Variants in NFU1 observed in about 807,000 individuals in gnomAD.
The protein encoded by NFU1 is NFU1 iron-sulfur cluster scaffold.
NFU1 carries 30 observed loss-of-function variants against 32.2 expected under a neutral mutation model. That is an observed-to-expected ratio of 0.93 (90% CI 0.70 to 1.26). NFU1 has a LOEUF of 1.26. NFU1 is among the 50% of genes most tolerant of loss of function. The pLI is 0.00. For synonymous variants in NFU1, 112 were observed against 104.6 expected, an observed-to-expected ratio of 1.07 and a Z score of -0.43; for missense variants, 306 against 306.6, an observed-to-expected ratio of 1.00 and a Z score of 0.02.
chr2:69,412,301 A>G (rs906738490), intron 5 of NFU1, among the ~76,000 whole-genome samples: 3 of 151,682 alleles, frequency 2.0e-5, no homozygotes, highest in African/African-American at 7.3e-5. Context: ...TGCCCACCTC[A>G]GCCTCCCAAA....
chr2:69,426,726 G>A (rs1673466804), intron 2 of NFU1, among the ~76,000 whole-genome samples: 1 of 152,058 alleles, frequency 6.6e-6, no homozygotes, highest in African/African-American at 2.4e-5. Context: ...GGACGGCACT[G>A]GCATTTTAAT....
At chr2:69,424,799 TA>T (rs1319952078) in intron 2 of NFU1, among the ~76,000 whole-genome samples, 1 of 151,992 alleles carries the variant, frequency 6.6e-6, no homozygotes, top group Non-Finnish European at 1.5e-5. Context: ...ACCATTATTT[TA>T]AAGACAAAGT....
chr2:69,432,135 AC>A (rs1673659909), intron 1 of NFU1, 130 bp from the exon 2 acceptor site: 1 of 670,448 alleles, frequency 1.5e-6, no homozygotes, highest in African/African-American at 1.8e-5. Context: ...TAATTAGAGA[AC>A]TGACTTTTCA....
intron 4 of NFU1, among the ~76,000 whole-genome samples, chr2:69,415,948 G>A (rs542572665): frequency 9.5e-4 from 144 of 152,046 alleles, no homozygotes; most frequent in Middle Eastern, 6.8e-3. Flanking sequence ...GCAACATAGC[G>A]AGACTTCGTC....
chr2:69,434,393 C>T (rs780924043), intron 1 of NFU1, among the ~76,000 whole-genome samples: 6 of 146,208 alleles, frequency 4.1e-5, no homozygotes, highest in Non-Finnish European at 9.1e-5. Context: ...CCACTAGCCT[C>T]GGCCTCCCAA....
intron 5 of NFU1, among the ~76,000 whole-genome samples, chr2:69,410,064 C>A (rs1672828258): frequency 1.3e-5 from 2 of 151,972 alleles, no homozygotes; most frequent in Non-Finnish European, 2.9e-5. Context: ...ATTCCAATAC[C>A]CAACACCCCA....
In NFU1 at chr2:69,424,876, C is replaced by T. The variant is rs185654734; in HGVS notation, c.167-1159G>A. Among the ~76,000 whole-genome samples, 47 of 123,042 alleles carry T rather than the reference C, an allele frequency of 3.8e-4. No homozygotes were observed. In the Admixed American group the frequency reaches 3.9e-3, roughly 10 times the overall value. The allele number at this position is 123,042 out of a possible 152,430, so 80.7% of individuals were successfully genotyped here. On this transcript the variant is annotated intron_variant, in intron 2 of 7. Coordinates refer to ENST00000410022, the MANE Select transcript of NFU1 (RefSeq NM_001002755.4). ...ATTATATGCCAAATACAGGGTCAAA[C>T]GCTTTTTTTTTTTTTTTTGAGGCGG... is the stretch of plus-strand genomic sequence containing the variant.
intron 1 of NFU1, among the ~76,000 whole-genome samples, chr2:69,437,091 C>G (rs1350732473): frequency 2.6e-5 from 4 of 152,252 alleles, no homozygotes; most frequent in African/African-American, 4.8e-5. Context: ...CAGCCAGTCT[C>G]TACAAGCTTC....
At chr2:69,404,615 A>ATATTTTT (rs1426118283) in intron 6 of NFU1, among the ~76,000 whole-genome samples, 5 of 73,010 alleles carry the variant, frequency 6.8e-5, no homozygotes, top group East Asian at 6.8e-4. Flanking sequence ...ATCTTAGCAA[A>ATATTTTT]TTTTTTTTTT....
chr2:69,421,512 C>G (rs1673238614), intron 3 of NFU1, among the ~76,000 whole-genome samples: 1 of 146,864 alleles, frequency 6.8e-6, no homozygotes, highest in African/African-American at 2.5e-5. Flanking sequence ...TTATTATTAA[C>G]TTCTCTATCA....
At chr2:69,424,211 A>ATG (rs1574143138) in intron 2 of NFU1, among the ~76,000 whole-genome samples, 2 of 136,606 alleles carry the variant, frequency 1.5e-5, no homozygotes, top group East Asian at 4.6e-4. Context: ...ATATATATAT[A>ATG]TATATATATC....
At chr2:69,412,840 AGAG>A (rs1672930922) in intron 5 of NFU1, among the ~76,000 whole-genome samples, 1 of 143,752 alleles carries the variant, frequency 7.0e-6, no homozygotes. Context: ...TTTGGGTGAC[AGAG>A]CAGGTCACTG....
intron 2 of NFU1, among the ~76,000 whole-genome samples, chr2:69,430,680 A>C (rs765873465): frequency 3.9e-5 from 6 of 152,208 alleles, no homozygotes; most frequent in Non-Finnish European, 5.9e-5. Context: ...ACAAAGTTTA[A>C]AAGTCCAATT....
At chr2:69,398,993 CCTGAGCTCAGGAGTT>C (rs1400407225) in intron 7 of NFU1, among the ~76,000 whole-genome samples, 1 of 152,042 alleles carries the variant, frequency 6.6e-6, no homozygotes, top group Non-Finnish European at 1.5e-5. Flanking sequence ...GGGCAAATTG[CCTGAGCTCAGGAGTT>C]TGAAATCAGC....
intron 1 of NFU1, among the ~76,000 whole-genome samples, chr2:69,434,297 C>A (rs1421530796): frequency 1.3e-5 from 2 of 152,006 alleles, no homozygotes; most frequent in African/African-American, 4.8e-5. Flanking sequence ...ATGCCCACCA[C>A]CATGCCCGGC....
At chr2:69,395,883 T>A (rs975710428), downstream of NFU1, 3 of 175,230 alleles carry the variant, frequency 1.7e-5, no homozygotes, top group African/African-American at 7.1e-5. Context: ...GTTTTAGATA[T>A]TTCACAAAAA....
chr2:69,398,403 C>A (rs76028677), intron 7 of NFU1, among the ~76,000 whole-genome samples: 1,787 of 152,214 alleles, frequency 0.012, 33 homozygotes, highest in African/African-American at 0.041. Context: ...GGTGTGGAGG[C>A]TAAAGCAACT....
At chr2:69,410,459 T>G (rs1401945542) in intron 5 of NFU1, among the ~76,000 whole-genome samples, 1 of 152,212 alleles carries the variant, frequency 6.6e-6, no homozygotes, top group African/African-American at 2.4e-5. Context: ...GGAGGCAGAT[T>G]GCCCAAAGTT....
chr2:69,433,066 C>T (rs1171184379), intron 1 of NFU1, among the ~76,000 whole-genome samples: 1 of 133,720 alleles, frequency 7.5e-6, no homozygotes, highest in African/African-American at 2.9e-5. Context: ...AGAGGAATCG[C>T]TTGAACCCAG....
Sources: gnomAD v4.1 joint callset for allele counts (sites outside exome capture counted in the v4.1 genomes callset) on GRCh38, gnomAD v4.1.1 for gene constraint, MANE v1.5 for transcripts, NCBI Gene and HGNC (gene_info 2026-07-23, HGNC 2026-07-21) for gene names.